LRP2: variants seen among roughly 807,000 people sequenced by gnomAD.
LRP2 encodes low-density lipoprotein receptor-related protein 2.
A neutral mutation model predicts 531.0 loss-of-function variants in LRP2; 172 were observed. The ratio of observed to expected loss-of-function variants is 0.32; its 90% CI spans 0.29 to 0.37. The LOEUF is 0.37. Ranked by LOEUF, LRP2 falls within the 10% of genes least tolerant of loss-of-function variation. The probability of loss-of-function intolerance (pLI) is 1.00; values close to 1 mark genes in which losing one functional copy is unlikely to be tolerated. For synonymous variants in LRP2, 1,992 were observed against 2,027.6 expected (o/e 0.98, Z 0.47); for missense variants, 5,167 against 5,868.3 (o/e 0.88, Z 3.90).
chr2:169,196,102 T>A (rs917684094), intron 46 of LRP2, among the ~76,000 whole-genome samples: 1 of 151,920 alleles, frequency 6.6e-6, no homozygotes, highest in Non-Finnish European at 1.5e-5. Flanking sequence ...ACGAGCAAAC[T>A]TTTTAACTAG....
chr2:169,194,951 C>T (rs77463292), intron 46 of LRP2, among the ~76,000 whole-genome samples: 18,976 of 151,846 alleles, frequency 0.12, 1,548 homozygotes, highest in East Asian at 0.36. Flanking sequence ...CCTTGTGATC[C>T]GCCTGCCTTG....
At chr2:169,262,046 C>G (rs374475128) in intron 16 of LRP2, among the ~76,000 whole-genome samples, 134 of 152,030 alleles carry the variant, frequency 8.8e-4, no homozygotes, top group South Asian at 8.8e-3. Flanking sequence ...AGTCAACAAC[C>G]CTTCATGCTA....
chr2:169,256,987 A>G (rs1408049492), intron 18 of LRP2, 137 bp downstream of exon 18: 24 of 957,362 alleles, frequency 2.5e-5, no homozygotes, highest in Non-Finnish European at 4.1e-5. Flanking sequence ...TCCTTCTCCC[A>G]TCACCAATTA....
At chr2:169,277,193 C>CAAAAA (rs5836227) in intron 13 of LRP2, among the ~76,000 whole-genome samples, 3 of 88,112 alleles carry the variant, frequency 3.4e-5, no homozygotes, top group Non-Finnish European at 6.7e-5. Flanking sequence ...GACTCCATCT[C>CAAAAA]AAAAAAAAAA....
Position 169,201,885 on chromosome 2 carries a change from A to T in LRP2, c.8210-15T>A. The T allele has an allele frequency of 6.2e-7, 1 of 1,613,986 alleles. No individual in the cohort carries two copies. Among genetic ancestry groups the T allele is most frequent in the Non-Finnish European group, 8.5e-7 (1 of 1,179,992 alleles). On this transcript the variant is annotated splice_polypyrimidine_tract_variant and intron_variant, in intron 43 of 78. Transcript: ENST00000649046. ...GGTGTGAAGTGCTAAGAACAGGAAAAACATGAGAACAAACCCTCTTGATTA... is the reference window on the plus strand; with the variant it reads ...GGTGTGAAGTGCTAAGAACAGGAAATACATGAGAACAAACCCTCTTGATTA...
rs1251453037 is a variant in LRP2, at chr2:169,241,313, A to G, written c.3720T>C (p.Asp1240=). 23 of 1,614,056 alleles carry G rather than the reference A, an allele frequency of 1.4e-5. No homozygotes were observed. Among genetic ancestry groups the G allele is most frequent in the Non-Finnish European group, 1.9e-5 (23 of 1,180,030 alleles). The part of the protein sequence containing the change: ...CHSDEFQCQE[D]GICIPNFWEC... ...CCCAGAAGTTCGGGATGCAGATACC[A>G]TCTTCTTGGCACTGAAATTCATCTG... Residue 1240 remains aspartate, a synonymous_variant, in exon 25 of 79, where the codon GAT becomes GAC. Coordinates refer to ENST00000649046, the MANE Select transcript of LRP2 (RefSeq NM_004525.3).
intron 1 of LRP2, among the ~76,000 whole-genome samples, chr2:169,325,982 G>C (rs1201386393): frequency 6.6e-6 from 1 of 151,784 alleles, no homozygotes; most frequent in Non-Finnish European, 1.5e-5. Context: ...CATCATTTAA[G>C]TGCAAAAATA....
Position 169,237,422 on chromosome 2 carries a change from C to T in LRP2, c.4507-135G>A, listed in dbSNP as rs1374767683. 7.3e-6 allele frequency: 5 copies of T among 685,468 alleles called. No individual in the cohort carries two copies. In the East Asian group the frequency reaches 1.1e-4, roughly 15 times the overall value. 42.5% of individuals were successfully genotyped at this position (685,468 alleles called of 1,614,324 possible). A position where few individuals can be genotyped will look rare whatever the true frequency, so the allele number is the denominator to read the frequency against. ...TGTGGGGATTAGAAAATTTTGTCTC[C>T]TCATGTAGCTAACCACCAAATCAAC... is the stretch of plus-strand genomic sequence containing the variant. On this transcript the variant is annotated intron_variant, in intron 27 of 78. Coordinates refer to ENST00000649046, the MANE Select transcript of LRP2 (RefSeq NM_004525.3).
intron 1 of LRP2, among the ~76,000 whole-genome samples, chr2:169,334,013 G>T (rs888871364): frequency 6.6e-6 from 1 of 152,206 alleles, no homozygotes; most frequent in African/African-American, 2.4e-5. Flanking sequence ...GTGTGATAAA[G>T]TGGTGTTCAG....
intron 1 of LRP2, among the ~76,000 whole-genome samples, chr2:169,327,263 T>TGG (rs71003077): frequency 1.0e-4 from 5 of 50,144 alleles, no homozygotes; most frequent in East Asian, 7.4e-4. Context: ...GGGAGGGAGG[T>TGG]GGGGGGGTCA....
chr2:169,168,018 A>AAAATATATATATATATATAT (rs1553488719), intron 61 of LRP2, among the ~76,000 whole-genome samples: 1 of 68,186 alleles, frequency 1.5e-5, no homozygotes, highest in Non-Finnish European at 2.9e-5. Flanking sequence ...CAGGGTTTAA[A>AAAATATATATATATATATAT]ATATATATAT....
chr2:169,323,146 T>A (rs2105519621), intron 1 of LRP2, among the ~76,000 whole-genome samples: 1 of 152,314 alleles, frequency 6.6e-6, no homozygotes, highest in Admixed American at 6.5e-5. Flanking sequence ...AATTAACTAA[T>A]TTTTATAGGT....
At position 169,272,947 on chromosome 2, in the gene LRP2, G is replaced by A; in HGVS notation, c.2096C>T (p.Thr699Ile). The stretch of plus-strand genomic sequence containing the variant: ...CTTACCAATGCAGTGGCGCTCATCT[G>A]TATCCAGTTGGAAGCCGAATGTGCA... ...CKCTFGFQLD[T>I]DERHCIAVQN... The change falls in exon 15 of 79, where the codon ACA (threonine) becomes ATA (isoleucine). Residue 699 changes from threonine to isoleucine, a missense_variant. Physicochemically the swap from Thr to Ile is moderately conservative, Grantham distance 89 (BLOSUM62 -1). Coordinates refer to ENST00000649046, the MANE Select transcript of LRP2 (RefSeq NM_004525.3). 6.2e-7 allele frequency: 1 copy of A among 1,613,728 alleles called. No homozygotes were observed. The highest frequency in any genetic ancestry group is 8.5e-7 in the Non-Finnish European group (1 of 1,179,742).
At position 169,236,129 on chromosome 2, in the gene LRP2, C is replaced by T. The variant is rs1689597657; in HGVS notation, c.4692-61G>A. The T allele has an allele frequency of 6.8e-6, 8 of 1,170,244 alleles. No individual in the cohort carries two copies. In the South Asian group the frequency reaches 9.1e-5, roughly 13 times the overall value. The allele number at this position is 1,170,244 out of a possible 1,614,324, so 72.5% of individuals were successfully genotyped here. A position where few individuals can be genotyped will look rare whatever the true frequency, so the allele number is the denominator to read the frequency against. Reference sequence around the variant, plus strand: ...GTATTTAAATATTAAAAATAACTGTCATTTTAAATAATACAACATCCTGTT... The same window carrying T: ...GTATTTAAATATTAAAAATAACTGTTATTTTAAATAATACAACATCCTGTT... On this transcript the variant is annotated intron_variant, in intron 28 of 78. Transcript: ENST00000649046.
chr2:169,180,762 A>G (rs755793943), intron 52 of LRP2, among the ~76,000 whole-genome samples: 37 of 152,256 alleles, frequency 2.4e-4, no homozygotes, highest in Non-Finnish European at 4.8e-4. Context: ...ATCGTTATCC[A>G]TAAATGCTTA....
intron 3 of LRP2, among the ~76,000 whole-genome samples, chr2:169,314,913 T>C (rs1346451017): frequency 6.6e-6 from 1 of 152,242 alleles, no homozygotes; most frequent in Admixed American, 6.5e-5. Flanking sequence ...TAAAGAACTT[T>C]CTTTTATTCC....
At chr2:169,157,645 G>T in intron 63 of LRP2, 143 bp from the exon 64 acceptor site, 1 of 838,014 alleles carries the variant, frequency 1.2e-6, no homozygotes, top group Non-Finnish European at 1.9e-6. Context: ...AGGACAGAGG[G>T]CACTGGGGGA....
Position 169,243,008 on chromosome 2 carries a change from A to G in LRP2, c.3615T>C (p.Asn1205=). The change falls in exon 24 of 79, where the codon AAT becomes AAC. Residue 1205 remains asparagine, a synonymous_variant. Coordinates refer to ENST00000649046, the MANE Select transcript of LRP2 (RefSeq NM_004525.3). ...TGCAATCAAAAACACCATCACAACG[A>G]TTTGTGACGCCAATACATTTATCCC... ...ASGDKCIGVT[N]RCDGVFDCSD... is the part of the protein sequence containing the mutation. The G allele has an allele frequency of 6.2e-7, 1 of 1,614,180 alleles. No individual in the cohort carries two copies. The highest frequency in any genetic ancestry group is 8.5e-7 in the Non-Finnish European group (1 of 1,180,024).
chr2:169,361,885 G>A (rs185377159), intron 1 of LRP2, among the ~76,000 whole-genome samples: 4,038 of 152,304 alleles, frequency 0.027, 95 homozygotes, highest in Non-Finnish European at 0.04. Context: ...GGCGCGCGAA[G>A]GGATCCCGGG....
Sources: gnomAD v4.1 joint callset for allele counts (sites outside exome capture counted in the v4.1 genomes callset) on GRCh38, gnomAD v4.1.1 for gene constraint, MANE v1.5 for transcripts, NCBI Gene and HGNC (gene_info 2026-07-23, HGNC 2026-07-21) for gene names.